Variants in FRMPD4 observed in about 807,000 individuals in gnomAD.
The protein encoded by FRMPD4 is FERM and PDZ domain containing 4, also known as FERM and PDZ domain-containing protein 4.
In FRMPD4, 22 loss-of-function variants were observed where a neutral mutation model predicts 94.1. The observed-to-expected ratio is 0.23, with a 90% CI of 0.17 to 0.33. The LOEUF (loss-of-function observed/expected upper bound fraction) is 0.33. Ranked by LOEUF, FRMPD4 falls within the 10% of genes least tolerant of loss-of-function variation. The pLI, the probability that FRMPD4 is intolerant of heterozygous loss-of-function variation, is 1.00. For missense variants in FRMPD4, 1,111 were observed against 1,339.9 expected, an observed-to-expected ratio of 0.83 and a Z score of 2.67; for synonymous variants, 631 against 548.6, an observed-to-expected ratio of 1.15 and a Z score of -2.10.
At chrX:12,237,172 A>T (rs750000738) in intron 1 of FRMPD4, among the ~76,000 whole-genome samples, 1 of 112,635 alleles carries the variant, frequency 8.9e-6, no homozygotes, top group Non-Finnish European at 1.9e-5. Context: ...TGAATAAAAA[A>T]TAATGTTGAA....
At chrX:12,678,565 C>T (rs1445746195) in intron 5 of FRMPD4, among the ~76,000 whole-genome samples, 8 of 112,427 alleles carry the variant, frequency 7.1e-5, no homozygotes, top group Non-Finnish European at 1.5e-4. Context: ...GTGGCTCACG[C>T]CTGTAATCCC....
At chrX:12,106,608 G>T (rs1264127214) in intron 3 of FRMPD4, among the ~76,000 whole-genome samples, 1 of 111,584 alleles carries the variant, frequency 9.0e-6, no homozygotes, top group African/African-American at 3.3e-5. Context: ...ATGAGGCATC[G>T]CCTCACCCGG....
At chrX:11,970,441 T>C (rs1378338761) in intron 3 of FRMPD4, among the ~76,000 whole-genome samples, 2 of 112,140 alleles carry the variant, frequency 1.8e-5, no homozygotes, top group Non-Finnish European at 1.9e-5. Context: ...GCTCCGTCAT[T>C]GGGGCAAATA....
intron 1 of FRMPD4, among the ~76,000 whole-genome samples, chrX:12,271,900 C>G (rs2054359703): frequency 8.9e-6 from 1 of 111,835 alleles, no homozygotes; most frequent in Non-Finnish European, 1.9e-5. Context: ...GCATTTCTTC[C>G]AATCTCCCAC....
At chrX:12,576,672 C>T (rs1017387588) in intron 2 of FRMPD4, among the ~76,000 whole-genome samples, 2 of 112,809 alleles carry the variant, frequency 1.8e-5, no homozygotes, top group Non-Finnish European at 3.7e-5. Context: ...TCAGAGGGCA[C>T]CTTCCTGATG....
At chrX:11,991,773 A>C (rs962310263) in intron 3 of FRMPD4, among the ~76,000 whole-genome samples, 1 of 112,478 alleles carries the variant, frequency 8.9e-6, no homozygotes, top group Admixed American at 9.4e-5. Flanking sequence ...AACTTTTATA[A>C]ACTAAAAACA....
intron 2 of FRMPD4, among the ~76,000 whole-genome samples, chrX:12,587,360 C>T (rs765543012): frequency 1.5e-3 from 166 of 111,673 alleles, no homozygotes; most frequent in African/African-American, 5.1e-3. Flanking sequence ...TGTTTTGCAA[C>T]CATCATCACT....
At chrX:12,553,194 G>GAA (rs1569332605) in intron 2 of FRMPD4, among the ~76,000 whole-genome samples, 334 of 62,430 alleles carry the variant, frequency 5.3e-3, no homozygotes, top group African/African-American at 0.014. Flanking sequence ...GAAAGAAAGA[G>GAA]AGAGAGAAAG....
chrX:12,110,035 A>G (rs2055342172), intron 3 of FRMPD4, among the ~76,000 whole-genome samples: 1 of 112,220 alleles, frequency 8.9e-6, no homozygotes, highest in African/African-American at 3.2e-5. Context: ...ATTCCAATCA[A>G]TAGAAAAAGA....
At chrX:12,318,335 A>G (rs1343239197) in intron 1 of FRMPD4, among the ~76,000 whole-genome samples, 1 of 112,125 alleles carries the variant, frequency 8.9e-6, no homozygotes, top group African/African-American at 3.2e-5. Context: ...AGACCAGCCT[A>G]GGCAACACAG....
chrX:12,063,083 A>C (rs755370019), intron 3 of FRMPD4, among the ~76,000 whole-genome samples: 1 of 112,145 alleles, frequency 8.9e-6, no homozygotes, highest in African/African-American at 3.2e-5. Context: ...TCAAATTAAG[A>C]ATGCTACTAG....
intron 2 of FRMPD4, among the ~76,000 whole-genome samples, chrX:12,510,800 C>G (rs2058034391): frequency 8.9e-6 from 1 of 112,330 alleles, no homozygotes; most frequent in South Asian, 3.7e-4. Flanking sequence ...AAAGAGCGGA[C>G]CATGCATCTA....
chrX:11,889,606 C>A (rs2053863461), intron 3 of FRMPD4, among the ~76,000 whole-genome samples: 1 of 112,556 alleles, frequency 8.9e-6, no homozygotes, highest in African/African-American at 3.2e-5. Context: ...TGCCATATAA[C>A]AAACCATCCT....
chrX:12,107,122 C>T (rs902819934), intron 3 of FRMPD4, among the ~76,000 whole-genome samples: 83 of 111,950 alleles, frequency 7.4e-4, no homozygotes, highest in African/African-American at 2.6e-3. Context: ...CCCTGACCCC[C>T]AAGTAGCCTA....
At chrX:12,311,150 G>A (rs976888682) in intron 1 of FRMPD4, among the ~76,000 whole-genome samples, 1 of 111,499 alleles carries the variant, frequency 9.0e-6, no homozygotes, top group African/African-American at 3.3e-5. Flanking sequence ...GCCAAGGCAG[G>A]GACTTTTCTG....
intron 3 of FRMPD4, among the ~76,000 whole-genome samples, chrX:11,950,982 C>T (rs781153054): frequency 9.8e-6 from 1 of 101,660 alleles, no homozygotes; most frequent in Admixed American, 1.2e-4. Context: ...TTGCTTGAAC[C>T]TGGGAGGCGG....
At chrX:12,139,142 C>T in intron 1 of FRMPD4, 130 bp downstream of exon 1, 2 of 474,424 alleles carry the variant, frequency 4.2e-6, no homozygotes, top group Non-Finnish European at 6.6e-6. Context: ...ACGAAGTGGC[C>T]GGGGGCTTCC....
intron 10 of FRMPD4, among the ~76,000 whole-genome samples, chrX:12,704,040 C>T (rs1414175237): frequency 8.9e-6 from 1 of 112,470 alleles, no homozygotes; most frequent in Non-Finnish European, 1.9e-5. Context: ...AATACAAACT[C>T]GGATACGTGA....
intron 3 of FRMPD4, among the ~76,000 whole-genome samples, chrX:12,060,396 T>G (rs990465650): frequency 2.9e-5 from 3 of 105,189 alleles, no homozygotes; most frequent in Non-Finnish European, 3.9e-5. Flanking sequence ...TGTTGCTGGC[T>G]GTTTATGTGT....
Sources: gnomAD v4.1 joint callset for allele counts (sites outside exome capture counted in the v4.1 genomes callset) on GRCh38, gnomAD v4.1.1 for gene constraint, MANE v1.5 for transcripts, NCBI Gene and HGNC (gene_info 2026-07-23, HGNC 2026-07-21) for gene names.